The following SIK2 variants were observed in gnomAD, a reference collection of about 807,000 sequenced individuals.
The protein encoded by SIK2 is serine/threonine-protein kinase SIK2.
A neutral mutation model predicts 103.2 loss-of-function variants in SIK2; 29 were observed. The ratio of observed to expected loss-of-function variants is 0.28; its 90% CI spans 0.21 to 0.38. The LOEUF is 0.38. SIK2 is among the 10% of genes least tolerant of loss of function. SIK2 has a pLI of 1.00. For synonymous variants in SIK2, 412 were observed against 446.1 expected (o/e 0.92, Z 0.96); for missense variants, 879 against 1,171.0 (o/e 0.75, Z 3.64).
At chr11:111,702,132 G>A (rs1443163831) in intron 6 of SIK2, among the ~76,000 whole-genome samples, 3 of 152,200 alleles carry the variant, frequency 2.0e-5, no homozygotes, top group Non-Finnish European at 4.4e-5. Flanking sequence ...GGACTGTGAA[G>A]GCAGACTACC....
At position 111,722,778 on chromosome 11, in the gene SIK2, A is replaced by G; in HGVS notation, c.2147+22A>G. 6.2e-7 allele frequency: 1 copy of G among 1,607,354 alleles called. No homozygotes were observed. ...ATAGGTGAGAAGGGGACTTTGGCCA[A>G]AGAAGTTGCTTCCTTTTCTGGAAGC... On this transcript the variant is annotated intron_variant, in intron 14 of 14. Coordinates refer to ENST00000304987, the MANE Select transcript of SIK2 (RefSeq NM_015191.3). This position sits in a 1 kb window ranked among gnomAD's most constrained non-coding sequence, Gnocchi z 4.4.
At chr11:111,615,647 G>A (rs1941796264) in intron 1 of SIK2, among the ~76,000 whole-genome samples, 1 of 152,096 alleles carries the variant, frequency 6.6e-6, no homozygotes, top group South Asian at 2.1e-4. Flanking sequence ...CACAGTTTCT[G>A]AAATAAAATT....
At chr11:111,693,089 T>G (rs1022491277) in intron 4 of SIK2, among the ~76,000 whole-genome samples, 2 of 152,002 alleles carry the variant, frequency 1.3e-5, no homozygotes, top group African/African-American at 2.4e-5. Flanking sequence ...ATCCCAGCAC[T>G]TTGAGGGGCC....
intron 1 of SIK2, among the ~76,000 whole-genome samples, chr11:111,615,604 T>C (rs1277279049): frequency 1.3e-5 from 2 of 152,220 alleles, no homozygotes; most frequent in Admixed American, 1.3e-4. Flanking sequence ...TTGGAATTGT[T>C]TGGGCTCCTC....
chr11:111,723,665 C>A lies in SIK2; in HGVS notation c.2317C>A (p.Pro773Thr), dbSNP rs763962224. 1 of 1,613,764 alleles carries A rather than the reference C, an allele frequency of 6.2e-7. No homozygotes were observed. Among genetic ancestry groups the A allele is most frequent in the Non-Finnish European group, 8.5e-7 (1 of 1,179,958 alleles). The change falls in exon 15 of 15, where the codon CCC becomes ACC. Residue 773 changes from proline (P) to threonine (T), a missense_variant. Pro to Thr is a conservative substitution (Grantham distance 38). This residue lies in a region of SIK2 where 375 missense variants were observed against 416.3 expected (regional missense o/e 0.90). Coordinates refer to ENST00000304987, the MANE Select transcript of SIK2 (RefSeq NM_015191.3). ...QQAPPFSLTQPLSPVLEPSSE... is the reference protein window; with the variant it reads ...QQAPPFSLTQTLSPVLEPSSE... ...GGCCCCACCGTTCAGCCTGACCCAG[C>A]CCCTGAGCCCCGTCCTGGAGCCTTC...
At chr11:111,715,100 T>A (rs182370738) in intron 9 of SIK2, among the ~76,000 whole-genome samples, 124 of 152,290 alleles carry the variant, frequency 8.1e-4, no homozygotes, top group African/African-American at 2.8e-3. Flanking sequence ...GCAAAAGATA[T>A]AGACAGGAGC....
chr11:111,718,919 C>A (rs1435968943), intron 9 of SIK2: 2 of 152,294 alleles, frequency 1.3e-5, no homozygotes, highest in African/African-American at 2.4e-5. Flanking sequence ...CTTGCAACCA[C>A]AACCCCCATG....
At chr11:111,717,806 G>A (rs1470976330) in intron 9 of SIK2, among the ~76,000 whole-genome samples, 1 of 152,160 alleles carries the variant, frequency 6.6e-6, no homozygotes, top group East Asian at 1.9e-4. Context: ...CATGAATGGA[G>A]CTGGAAGCCA....
At chr11:111,706,959 C>CA (rs763828886) in intron 8 of SIK2, among the ~76,000 whole-genome samples, 906 of 51,488 alleles carry the variant, frequency 0.018, 20 homozygotes, top group African/African-American at 0.034. Flanking sequence ...GACTCCGTCT[C>CA]AAAAAAAAAA....
intron 3 of SIK2, among the ~76,000 whole-genome samples, chr11:111,623,666 C>CA (rs1941923641): frequency 1.3e-5 from 2 of 152,200 alleles, no homozygotes; most frequent in Non-Finnish European, 2.9e-5. Flanking sequence ...CAAGTAGGAA[C>CA]AGGCACCATT....
intron 1 of SIK2, among the ~76,000 whole-genome samples, chr11:111,606,954 A>AAG (rs1941656833): frequency 2.0e-5 from 2 of 99,616 alleles, no homozygotes; most frequent in Middle Eastern, 8.5e-3. Flanking sequence ...TCTCATTAAA[A>AAG]AGAAAAAAAA....
intron 3 of SIK2, among the ~76,000 whole-genome samples, chr11:111,657,608 C>T (rs1392783941): frequency 2.0e-5 from 3 of 152,074 alleles, no homozygotes; most frequent in African/African-American, 7.2e-5. Context: ...AGGCTGGCCT[C>T]GAGGTCCTGG....
intron 3 of SIK2, among the ~76,000 whole-genome samples, chr11:111,665,564 C>G (rs563000749): frequency 6.6e-6 from 1 of 152,072 alleles, no homozygotes; most frequent in East Asian, 1.9e-4. Flanking sequence ...TGGCTCACGC[C>G]TGTAATCCCA....
intron 3 of SIK2, among the ~76,000 whole-genome samples, chr11:111,675,808 A>C (rs1433596573): frequency 6.6e-6 from 1 of 151,996 alleles, no homozygotes; most frequent in Non-Finnish European, 1.5e-5. Flanking sequence ...ACATGGGTAA[A>C]TTGTATGTTC....
chr11:111,711,526 G>A (rs1943496312), intron 8 of SIK2, among the ~76,000 whole-genome samples: 1 of 152,184 alleles, frequency 6.6e-6, no homozygotes, highest in African/African-American at 2.4e-5. Flanking sequence ...TTCTATAGTG[G>A]GTTGACTTCA....
chr11:111,712,404 T>C, intron 9 of SIK2, 29 bp downstream of exon 9: 12 of 1,594,674 alleles, frequency 7.5e-6, no homozygotes, highest in Non-Finnish European at 9.4e-6. Context: ...GTCTCAGAAC[T>C]GGCAGTTTGG....
At chr11:111,616,753 G>A (rs1252306254) in intron 2 of SIK2, among the ~76,000 whole-genome samples, 1 of 152,014 alleles carries the variant, frequency 6.6e-6, no homozygotes, top group Admixed American at 6.6e-5. Flanking sequence ...GGTTGAGGCA[G>A]GAGGATTGCT....
rs375479404 is a variant in SIK2, at chr11:111,637,691, G to A, written c.316+17289G>A. Among the ~76,000 whole-genome samples the A allele has an allele frequency of 2.1e-4, 32 of 151,970 alleles. 1 individual carries two copies. In the East Asian group the frequency reaches 4.1e-3, roughly 19 times the overall value. ...TGACCAGGCTGGTCTCAAACTCCTG[G>A]TCTCAAGCAATCCACTCACCTCAGC... On this transcript the variant is annotated intron_variant, in intron 3 of 14. Coordinates refer to ENST00000304987, the MANE Select transcript of SIK2 (RefSeq NM_015191.3).
At chr11:111,708,118 A>G (rs894990298) in intron 8 of SIK2, among the ~76,000 whole-genome samples, 7 of 152,222 alleles carry the variant, frequency 4.6e-5, no homozygotes, top group African/African-American at 1.4e-4. Context: ...ACAGTTGCTC[A>G]TGCCTGTAAT....
Sources: allele counts gnomAD v4.1 joint callset (sites outside exome capture counted in the v4.1 genomes callset), GRCh38; gene constraint gnomAD v4.1.1; regional missense constraint gnomAD v4.1.1; non-coding constraint Gnocchi (gnomAD v3.1); transcripts MANE v1.5; gene names NCBI Gene and HGNC (gene_info 2026-07-23, HGNC 2026-07-21).